Variants in GABRA4 observed in about 807,000 individuals in gnomAD.
GABRA4 encodes the protein gamma-aminobutyric acid receptor subunit alpha-4.
In GABRA4, 12 loss-of-function variants were observed where a neutral mutation model predicts 49.7. That is an observed-to-expected ratio of 0.24 (90% CI 0.15 to 0.39). GABRA4 has a LOEUF of 0.39. Ranked by LOEUF, GABRA4 falls within the 10% of genes least tolerant of loss-of-function variation. GABRA4 has a pLI of 1.00. For missense variants in GABRA4, 506 were observed against 686.0 expected (o/e 0.74, Z 2.93); for synonymous variants, 288 against 240.2 (o/e 1.20, Z -1.84).
At chr4:46,951,795 CGT>C (rs4032300) in intron 8 of GABRA4, among the ~76,000 whole-genome samples, 62,808 of 148,976 alleles carry the variant, frequency 0.42, 13,409 homozygotes, top group East Asian at 0.59. Flanking sequence ...TATGTGTGTA[CGT>C]GTGTGTGTGT....
chr4:46,965,555 C>A (rs549149520), intron 7 of GABRA4, among the ~76,000 whole-genome samples: 1 of 151,772 alleles, frequency 6.6e-6, no homozygotes, highest in South Asian at 2.1e-4. Flanking sequence ...ATGTAACGCA[C>A]GTAGCACACA....
chr4:46,944,344 A>G (rs976272784), intron 8 of GABRA4, among the ~76,000 whole-genome samples: 2 of 152,106 alleles, frequency 1.3e-5, no homozygotes, highest in Admixed American at 6.6e-5. Flanking sequence ...GCCAGGGGGC[A>G]GTTCTAAGGC....
At chr4:46,936,514 T>A (rs1721608805) in intron 8 of GABRA4, among the ~76,000 whole-genome samples, 1 of 152,160 alleles carries the variant, frequency 6.6e-6, no homozygotes, top group African/African-American at 2.4e-5. Flanking sequence ...CCTCCCAAAG[T>A]GCTGGGATTA....
At chr4:46,939,539 T>C (rs1291829890) in intron 8 of GABRA4, among the ~76,000 whole-genome samples, 2 of 152,060 alleles carry the variant, frequency 1.3e-5, no homozygotes, top group Non-Finnish European at 2.9e-5. Flanking sequence ...TTATTCATTA[T>C]TTGAATCCCA....
intron 8 of GABRA4, among the ~76,000 whole-genome samples, chr4:46,950,332 T>C (rs1217470321): frequency 2.0e-5 from 3 of 152,096 alleles, no homozygotes; most frequent in East Asian, 3.9e-4. Flanking sequence ...AAGGTTTTGA[T>C]ACTCTCAGCT....
chr4:46,971,031 A>C, intron 7 of GABRA4, 52 bp downstream of exon 7: 1 of 1,531,460 alleles, frequency 6.5e-7, no homozygotes, highest in Middle Eastern at 2.1e-4. Context: ...CCCATGAATC[A>C]TGAATAAAAT....
At chr4:46,987,689 C>T (rs1458670589) in intron 2 of GABRA4, among the ~76,000 whole-genome samples, 1 of 152,066 alleles carries the variant, frequency 6.6e-6, no homozygotes, top group Admixed American at 6.6e-5. Flanking sequence ...TCCATCTTTA[C>T]TATATCTGCC....
chr4:46,967,694 G>A (rs1722813365), intron 7 of GABRA4, among the ~76,000 whole-genome samples: 1 of 151,524 alleles, frequency 6.6e-6, no homozygotes, highest in Non-Finnish European at 1.5e-5. Flanking sequence ...GGCTTAGCCG[G>A]CATCTACCCT....
At position 46,978,577 on chromosome 4, in the gene GABRA4, C is replaced by T. The variant is rs561825893; in HGVS notation, c.273+454G>A. 1.7e-3 allele frequency among the ~76,000 whole-genome samples: 254 copies of T among 146,138 alleles called. 1 individual carries two copies. Among genetic ancestry groups the T allele is most frequent in the Non-Finnish European group, 2.9e-3 (191 of 67,004 alleles). On this transcript the variant is annotated intron_variant, in intron 3 of 8. Transcript: ENST00000264318. Reference sequence around the variant, plus strand: ...TGGGGCATGCCTGCATTCCCAGCTACTTGGGAGGTTGAGGCAAGAGAATCA... The same window carrying T: ...TGGGGCATGCCTGCATTCCCAGCTATTTGGGAGGTTGAGGCAAGAGAATCA...
intron 2 of GABRA4, among the ~76,000 whole-genome samples, chr4:46,981,741 G>A (rs925469731): frequency 6.6e-6 from 1 of 152,060 alleles, no homozygotes; most frequent in Admixed American, 6.6e-5. Context: ...ATTTCTAAGA[G>A]GAAAAATACA....
intron 8 of GABRA4, among the ~76,000 whole-genome samples, chr4:46,959,264 G>A (rs949733202): frequency 1.3e-5 from 2 of 151,902 alleles, no homozygotes; most frequent in African/African-American, 4.8e-5. Flanking sequence ...CTAGAATCAG[G>A]AGGATGGGTG....
At chr4:46,961,756 T>C (rs968067373) in intron 8 of GABRA4, among the ~76,000 whole-genome samples, 3 of 151,720 alleles carry the variant, frequency 2.0e-5, no homozygotes, top group African/African-American at 7.3e-5. Flanking sequence ...CCACAGGCAT[T>C]TGTCTGCTGG....
At chr4:46,938,370 G>T (rs1325733485) in intron 8 of GABRA4, among the ~76,000 whole-genome samples, 2 of 152,122 alleles carry the variant, frequency 1.3e-5, no homozygotes, top group Non-Finnish European at 2.9e-5. Context: ...CCTATAGGAG[G>T]CTCGCATAGC....
chr4:46,941,386 C>CT (rs1407295177), intron 8 of GABRA4, among the ~76,000 whole-genome samples: 1 of 151,984 alleles, frequency 6.6e-6, no homozygotes, highest in Non-Finnish European at 1.5e-5. Flanking sequence ...CCTTCCTGTG[C>CT]TTAAGGTTTC....
Position 46,923,983 on chromosome 4 carries a change from G to T in GABRA4, c.*4242C>A, listed in dbSNP as rs762901377. The T allele has an allele frequency of 6.6e-6, 1 of 152,098 alleles. No homozygotes were observed. The highest frequency in any genetic ancestry group is 2.1e-4 in the South Asian group (1 of 4,816). 9.4% of individuals were successfully genotyped at this position (152,098 alleles called of 1,614,324 possible). A position where few individuals can be genotyped will look rare whatever the true frequency, so the allele number is the denominator to read the frequency against. Reference sequence around the variant, plus strand: ...CTGCCTCAGGTGCTGATAAAATTGCGCTTTCATTTTTTTGTTTGTTTGTGG... The same window carrying T: ...CTGCCTCAGGTGCTGATAAAATTGCTCTTTCATTTTTTTGTTTGTTTGTGG... On this transcript the variant is annotated 3_prime_UTR_variant, in exon 9 of 9. Transcript: ENST00000264318.
intron 8 of GABRA4, among the ~76,000 whole-genome samples, chr4:46,945,599 C>G (rs1359475982): frequency 6.6e-6 from 1 of 152,090 alleles, no homozygotes; most frequent in Non-Finnish European, 1.5e-5. Context: ...TTTAAATCTT[C>G]CATGAATATC....
rs1419040045 is a variant in GABRA4, at chr4:46,922,334, A to G, written c.*5891T>C. ...ACGGTTTTGGGGAGGTGGGCTTGAA[A>G]CCTGAAATTTAAATAGCTTCTGTGG... On this transcript the variant is annotated 3_prime_UTR_variant, in exon 9 of 9. Transcript: ENST00000264318. 6.6e-6 allele frequency: 1 copy of G among 152,028 alleles called. No homozygotes were observed. The highest frequency in any genetic ancestry group is 2.4e-5 in the African/African-American group (1 of 41,378). 9.4% of individuals were successfully genotyped at this position (152,028 alleles called of 1,614,324 possible).
intron 2 of GABRA4, among the ~76,000 whole-genome samples, chr4:46,985,793 T>A (rs982787692): frequency 1.3e-5 from 2 of 151,954 alleles, no homozygotes; most frequent in African/African-American, 2.4e-5. Context: ...TCTTTTTTTT[T>A]AAACCAAGAA....
intron 5 of GABRA4, among the ~76,000 whole-genome samples, chr4:46,975,295 A>C (rs1030363113): frequency 6.6e-6 from 1 of 152,092 alleles, no homozygotes; most frequent in South Asian, 2.1e-4. Flanking sequence ...GAAACAAACT[A>C]TGAGGCTTGT....
Sources: allele counts gnomAD v4.1 joint callset (sites outside exome capture counted in the v4.1 genomes callset), GRCh38; gene constraint gnomAD v4.1.1; transcripts MANE v1.5; gene names NCBI Gene and HGNC (gene_info 2026-07-23, HGNC 2026-07-21).